KCNQ1: variants seen among roughly 807,000 people sequenced by gnomAD.
KCNQ1 encodes potassium voltage-gated channel subfamily Q member 1.
In KCNQ1, 49 loss-of-function variants were observed where a neutral mutation model predicts 72.4. That is an observed-to-expected ratio of 0.68 (90% CI 0.54 to 0.86). The LOEUF is 0.86. Among genes scored for constraint, KCNQ1 ranks in the 40% least tolerant of loss-of-function variants. The probability of loss-of-function intolerance (pLI) is 0.00; values close to 1 mark genes in which losing one functional copy is unlikely to be tolerated. For synonymous variants in KCNQ1, 450 were observed against 412.6 expected, an observed-to-expected ratio of 1.09 and a Z score of -1.10; for missense variants, 790 against 945.1, an observed-to-expected ratio of 0.84 and a Z score of 2.15.
rs967385367 is a variant in KCNQ1, at chr11:2,764,020, T to C, written c.1515-4824T>C. On this transcript the variant is annotated intron_variant, in intron 11 of 15. Coordinates refer to ENST00000155840, the MANE Select transcript of KCNQ1 (RefSeq NM_000218.3). This position sits in a 1 kb window ranked among gnomAD's most constrained non-coding sequence, Gnocchi z 4.8. ...TTTATTTTTTCCTGTCCAATCCTTGTACCTTTTATCTCCCTTTTCCTACCT... is the reference window on the plus strand; with the variant it reads ...TTTATTTTTTCCTGTCCAATCCTTGCACCTTTTATCTCCCTTTTCCTACCT... Among the ~76,000 whole-genome samples the C allele has an allele frequency of 6.6e-6, 1 of 152,246 alleles. No individual in the cohort carries two copies. The highest frequency in any genetic ancestry group is 2.4e-5 in the African/African-American group (1 of 41,462).
intron 10 of KCNQ1, chr11:2,655,670 A>C (rs1256988556): frequency 5.1e-6 from 2 of 395,162 alleles, no homozygotes; most frequent in Non-Finnish European, 8.9e-6. Context: ...GAAAGAGCTG[A>C]ATCCCCACCC....
chr11:2,508,172 A>G lies in KCNQ1; in HGVS notation c.387-19756A>G, dbSNP rs1847135447. Among the ~76,000 whole-genome samples, 1 of 152,220 alleles carries G rather than the reference A, an allele frequency of 6.6e-6. No individual in the cohort carries two copies. The highest frequency in any genetic ancestry group is 2.1e-4 in the South Asian group (1 of 4,838). Reference sequence around the variant, plus strand: ...GGTTTCCCAGGGATGCTGCTGCTGAAGGTGAGGTTTGCAAACACTAGGCAT... The same window carrying G: ...GGTTTCCCAGGGATGCTGCTGCTGAGGGTGAGGTTTGCAAACACTAGGCAT... On this transcript the variant is annotated intron_variant, in intron 1 of 15. Transcript: ENST00000155840. The surrounding 1 kb of genome is among the most constrained non-coding windows in gnomAD (Gnocchi z 6.2).
At chr11:2,472,941 G>C (rs371390610) in intron 1 of KCNQ1, among the ~76,000 whole-genome samples, 1 of 152,062 alleles carries the variant, frequency 6.6e-6, no homozygotes. Context: ...CCCCAGCACC[G>C]AGATGGGCAT....
chr11:2,461,513 C>T (rs1335573450), intron 1 of KCNQ1: 1 of 1,328,392 alleles, frequency 7.5e-7, no homozygotes, highest in African/African-American at 1.5e-5. Flanking sequence ...TGCGCCTGCA[C>T]ATGTGTGTGT....
At chr11:2,628,839 C>A (rs1450818522) in intron 10 of KCNQ1, 2 of 398,146 alleles carry the variant, frequency 5.0e-6, no homozygotes, top group Non-Finnish European at 8.9e-6. Context: ...ATGTGGATAT[C>A]CTGGTTTCAC....
At chr11:2,800,383 A>G (rs1847236396) in intron 15 of KCNQ1, among the ~76,000 whole-genome samples, 4 of 152,196 alleles carry the variant, frequency 2.6e-5, no homozygotes, top group Admixed American at 2.0e-4. Flanking sequence ...AGCTGAGCCC[A>G]GACCCCTGGG....
At chr11:2,774,989 A>G (rs1846665348) in intron 12 of KCNQ1, among the ~76,000 whole-genome samples, 1 of 152,168 alleles carries the variant, frequency 6.6e-6, no homozygotes. Flanking sequence ...TTCCCCAGCA[A>G]AAGGCAGGAA....
rs547272587 is a variant in KCNQ1 at position 2,564,528 on chromosome 11, G to A, written c.478-6100G>A. Among the ~76,000 whole-genome samples the A allele has an allele frequency of 6.6e-5, 10 of 152,370 alleles. No individual in the cohort carries two copies. In the South Asian group the frequency reaches 2.1e-3, roughly 32 times the overall value. On this transcript the variant is annotated intron_variant, in intron 2 of 15. Coordinates refer to ENST00000155840, the MANE Select transcript of KCNQ1 (RefSeq NM_000218.3). This position sits in a 1 kb window ranked among gnomAD's most constrained non-coding sequence, Gnocchi z 4.5. Reference sequence around the variant, plus strand: ...GAGAATCACTTGAACCTGGGAGGCAGAGGTTGCAGTGAGCTGAGATGGTGC... The same window carrying A: ...GAGAATCACTTGAACCTGGGAGGCAAAGGTTGCAGTGAGCTGAGATGGTGC...
chr11:2,751,060 G>C (rs1230117180), intron 11 of KCNQ1, among the ~76,000 whole-genome samples: 1 of 152,082 alleles, frequency 6.6e-6, no homozygotes, highest in Non-Finnish European at 1.5e-5. Flanking sequence ...CAGACCTGTA[G>C]GCCCTCTGCC....
At chr11:2,665,711 T>C in intron 11 of KCNQ1, 1 of 398,174 alleles carries the variant, frequency 2.5e-6, no homozygotes, top group African/African-American at 2.1e-5. Context: ...TGTATAGCCC[T>C]CTTGGTCTCT....
intron 11 of KCNQ1, among the ~76,000 whole-genome samples, chr11:2,749,054 A>G (rs1846182713): frequency 1.3e-5 from 2 of 152,242 alleles, no homozygotes; most frequent in South Asian, 4.1e-4. Flanking sequence ...CACTGATAGC[A>G]TAAAAAGTAA....
chr11:2,690,662 A>G lies in KCNQ1; in HGVS notation c.1514+28581A>G. ...GCGTATTTGTCAGTGTATGTGTGTC[A>G]GTGCACATAGGTATAGGGGCTGTCT... On this transcript the variant is annotated intron_variant, in intron 11 of 15. Coordinates refer to ENST00000155840, the MANE Select transcript of KCNQ1 (RefSeq NM_000218.3). The surrounding 1 kb of genome is among the most constrained non-coding windows in gnomAD (Gnocchi z 5.1). 2.5e-6 allele frequency: 1 copy of G among 398,650 alleles called. No homozygotes were observed. Among genetic ancestry groups the G allele is most frequent in the Non-Finnish European group, 4.4e-6 (1 of 226,072 alleles). The allele number at this position is 398,650 out of a possible 1,614,324, so 24.7% of individuals were successfully genotyped here.
intron 11 of KCNQ1, among the ~76,000 whole-genome samples, chr11:2,741,989 C>T (rs1846061218): frequency 6.6e-6 from 1 of 152,244 alleles, no homozygotes; most frequent in South Asian, 2.1e-4. Flanking sequence ...CTTGTAACCC[C>T]CAGAACTCTT....
At chr11:2,667,632 T>C (rs1293404182) in intron 11 of KCNQ1, 2 of 398,520 alleles carry the variant, frequency 5.0e-6, no homozygotes, top group Non-Finnish European at 8.8e-6. Flanking sequence ...TTGTGTGCTC[T>C]GCTGATACCT....
intron 1 of KCNQ1, among the ~76,000 whole-genome samples, chr11:2,524,078 G>A (rs987188402): frequency 3.9e-5 from 6 of 152,150 alleles, no homozygotes; most frequent in Non-Finnish European, 8.8e-5. Flanking sequence ...TCGTGAGAGG[G>A]GAGGTTGTCC....
chr11:2,684,872 A>G (rs1208205602), intron 11 of KCNQ1: 2 of 398,554 alleles, frequency 5.0e-6, no homozygotes, highest in Non-Finnish European at 8.8e-6. Context: ...TGCTGAGACA[A>G]AAGTTTTAGA....
rs1403348510 is a variant in KCNQ1, at chr11:2,493,722, C to G, written c.387-34206C>G. 6.6e-6 allele frequency among the ~76,000 whole-genome samples: 1 copy of G among 152,112 alleles called. No individual in the cohort carries two copies. The highest frequency in any genetic ancestry group is 2.4e-5 in the African/African-American group (1 of 41,422). ...ATTGGTTTATATATCTGTCTTCATA[C>G]CAGTACCATGCTGTTTTCGTTACTA... is the stretch of plus-strand genomic sequence containing the variant. On this transcript the variant is annotated intron_variant, in intron 1 of 15. Coordinates refer to ENST00000155840, the MANE Select transcript of KCNQ1 (RefSeq NM_000218.3). This position sits in a 1 kb window ranked among gnomAD's most constrained non-coding sequence, Gnocchi z 5.3.
intron 10 of KCNQ1, chr11:2,639,626 G>A (rs1849536599): frequency 6.6e-6 from 1 of 152,390 alleles, no homozygotes; most frequent in African/African-American, 2.4e-5. Context: ...GCCCCTACTG[G>A]GGAGTGCCTC....
intron 11 of KCNQ1, among the ~76,000 whole-genome samples, chr11:2,732,027 C>G (rs1257184588): frequency 2.0e-5 from 3 of 152,254 alleles, no homozygotes; most frequent in East Asian, 1.9e-4. Flanking sequence ...CCTTCCTCCC[C>G]CTTCAGAGGA....
Sources: allele counts gnomAD v4.1 joint callset (sites outside exome capture counted in the v4.1 genomes callset), GRCh38; gene constraint gnomAD v4.1.1; non-coding constraint Gnocchi (gnomAD v3.1); transcripts MANE v1.5; gene names NCBI Gene and HGNC (gene_info 2026-07-23, HGNC 2026-07-21).